The following EPHA6 variants were observed in gnomAD, a reference collection of about 807,000 sequenced individuals.
EPHA6 encodes the protein EPH receptor A6.
In EPHA6, 50 loss-of-function variants were observed where a neutral mutation model predicts 112.0. The observed-to-expected ratio is 0.45, with a 90% CI of 0.36 to 0.56. The LOEUF (loss-of-function observed/expected upper bound fraction) is 0.56. EPHA6 is among the 20% of genes least tolerant of loss of function. The pLI is 0.00. For missense variants in EPHA6, 1,280 were observed against 1,417.4 expected, an observed-to-expected ratio of 0.90 and a Z score of 1.56; for synonymous variants, 529 against 490.7, an observed-to-expected ratio of 1.08 and a Z score of -1.03.
intron 5 of EPHA6, among the ~76,000 whole-genome samples, chr3:97,361,115 T>C (rs1482905937): frequency 3.3e-5 from 5 of 152,356 alleles, no homozygotes; most frequent in African/African-American, 9.6e-5. Flanking sequence ...AGGCTCATTC[T>C]TTTTAGTGTA....
At chr3:97,092,216 C>G (rs938913431) in intron 3 of EPHA6, among the ~76,000 whole-genome samples, 1 of 151,836 alleles carries the variant, frequency 6.6e-6, no homozygotes, top group Non-Finnish European at 1.5e-5. Context: ...CATATTTACT[C>G]TTTCTTTTAT....
chr3:96,948,767 A>G (rs2041398701), intron 2 of EPHA6, among the ~76,000 whole-genome samples: 1 of 152,106 alleles, frequency 6.6e-6, no homozygotes, highest in Admixed American at 6.6e-5. Context: ...AAACACCTAT[A>G]CCTAATTGTC....
In EPHA6 at chr3:97,749,181, AC is replaced by A. The variant is rs1172856530; in HGVS notation, c.*481del. 3 of 225,254 alleles carry A rather than the reference AC, an allele frequency of 1.3e-5. No homozygotes were observed. Among genetic ancestry groups the A allele is most frequent in the African/African-American group, 6.7e-5 (3 of 44,952 alleles). The allele number at this position is 225,254 out of a possible 1,614,324, so 14.0% of individuals were successfully genotyped here. Reference sequence around the variant, plus strand: ...ATTCAGCTCTATTGGTTGTATTATTACTTTATTTTTTAATACTTTAACTGTT... The same window carrying A: ...ATTCAGCTCTATTGGTTGTATTATTATTTATTTTTTAATACTTTAACTGTT... On this transcript the variant is annotated 3_prime_UTR_variant, in exon 18 of 18. Coordinates refer to ENST00000389672, the MANE Select transcript of EPHA6 (RefSeq NM_001080448.3).
intron 2 of EPHA6, among the ~76,000 whole-genome samples, chr3:96,917,466 TTCTC>T (rs2039545366): frequency 6.6e-6 from 1 of 151,674 alleles, no homozygotes; most frequent in South Asian, 2.1e-4. Context: ...TAGTTTTTAT[TTCTC>T]TCTCCAGTAC....
chr3:97,380,485 GGGCTTCAGGAACACA>G (rs2085661405), intron 5 of EPHA6, among the ~76,000 whole-genome samples: 1 of 152,078 alleles, frequency 6.6e-6, no homozygotes, highest in South Asian at 2.1e-4. Flanking sequence ...GGATCCCTTT[GGGCTTCAGGAACACA>G]GGGTGGTGAG....
At chr3:97,441,777 T>A (rs2090146003) in intron 6 of EPHA6, among the ~76,000 whole-genome samples, 1 of 152,078 alleles carries the variant, frequency 6.6e-6, no homozygotes. Context: ...AAACCACTGA[T>A]AATTGCATGT....
At chr3:97,018,533 G>A (rs1306370759) in intron 3 of EPHA6, among the ~76,000 whole-genome samples, 1 of 152,220 alleles carries the variant, frequency 6.6e-6, no homozygotes. Context: ...GCCCTTCCCT[G>A]CCTGGCAGCT....
chr3:97,459,017 G>A (rs986367849), intron 7 of EPHA6, among the ~76,000 whole-genome samples: 2 of 152,204 alleles, frequency 1.3e-5, no homozygotes, highest in African/African-American at 2.4e-5. Context: ...GCAAACAAAT[G>A]TGTCAAGGAA....
chr3:97,268,154 A>G (rs2079753694), intron 5 of EPHA6, among the ~76,000 whole-genome samples: 1 of 152,186 alleles, frequency 6.6e-6, no homozygotes, highest in South Asian at 2.1e-4. Flanking sequence ...TGCAAGACAG[A>G]GAAAAGGATG....
intron 3 of EPHA6, among the ~76,000 whole-genome samples, chr3:96,999,641 T>C (rs1009306382): frequency 1.3e-5 from 2 of 151,932 alleles, no homozygotes; most frequent in African/African-American, 4.8e-5. Flanking sequence ...AGACCAAATT[T>C]TTCTAGACAT....
intron 7 of EPHA6, among the ~76,000 whole-genome samples, chr3:97,455,822 G>A (rs962948016): frequency 1.3e-5 from 2 of 151,048 alleles, no homozygotes; most frequent in Non-Finnish European, 3.0e-5. Context: ...ACAGAAAGTA[G>A]AAGTCGCCCT....
intron 3 of EPHA6, among the ~76,000 whole-genome samples, chr3:97,075,284 A>T (rs1460944015): frequency 2.6e-5 from 4 of 152,000 alleles, no homozygotes; most frequent in African/African-American, 9.7e-5. Flanking sequence ...AATAAAGATA[A>T]TGTTCATATC....
chr3:97,162,366 C>G (rs935684530), intron 3 of EPHA6, among the ~76,000 whole-genome samples: 1 of 152,166 alleles, frequency 6.6e-6, no homozygotes, highest in Non-Finnish European at 1.5e-5. Context: ...GATTCTGCCA[C>G]CAGCTGAGTA....
rs137902212 is a variant in EPHA6 at position 97,097,998 on chromosome 3, A to C, written c.1114+110005A>C. Among the ~76,000 whole-genome samples, 211 of 152,068 alleles carry C rather than the reference A, an allele frequency of 1.4e-3. 1 individual carries two copies. The highest frequency in any genetic ancestry group is 4.9e-3 in the African/African-American group (204 of 41,562). The stretch of plus-strand genomic sequence containing the variant: ...AATGAATCTTACGTTTAAGAATTTG[A>C]ATTTAGAAAACTTAAGTTATGAGAT... On this transcript the variant is annotated intron_variant, in intron 3 of 17. Transcript: ENST00000389672.
intron 1 of EPHA6, among the ~76,000 whole-genome samples, chr3:96,852,449 A>T (rs1278951581): frequency 6.6e-6 from 1 of 152,072 alleles, no homozygotes; most frequent in Non-Finnish European, 1.5e-5. Flanking sequence ...TAATAAAAAA[A>T]GTGAAGTTTA....
chr3:97,562,009 G>A (rs1270391761), intron 11 of EPHA6, among the ~76,000 whole-genome samples: 1 of 152,116 alleles, frequency 6.6e-6, no homozygotes, highest in East Asian at 1.9e-4. Context: ...GGCTACTATT[G>A]AGACCTACTG....
intron 1 of EPHA6, among the ~76,000 whole-genome samples, chr3:96,854,390 G>T (rs1327606702): frequency 1.3e-5 from 2 of 151,524 alleles, no homozygotes; most frequent in South Asian, 2.1e-4. Flanking sequence ...ATGCTGGCCA[G>T]GATGGTCTCA....
At chr3:97,725,310 C>T (rs1326282714) in intron 15 of EPHA6, among the ~76,000 whole-genome samples, 1 of 152,014 alleles carries the variant, frequency 6.6e-6, no homozygotes, top group Non-Finnish European at 1.5e-5. Context: ...TAGGACCTTG[C>T]CCCACACTAA....
intron 2 of EPHA6, among the ~76,000 whole-genome samples, chr3:96,935,710 T>C: frequency 7.2e-6 from 1 of 138,240 alleles, no homozygotes; most frequent in East Asian, 2.2e-4. Flanking sequence ...ATATTATATA[T>C]ACATTATATA....
Sources: gnomAD v4.1 joint callset for allele counts (sites outside exome capture counted in the v4.1 genomes callset) on GRCh38, gnomAD v4.1.1 for gene constraint, MANE v1.5 for transcripts, NCBI Gene and HGNC (gene_info 2026-07-23, HGNC 2026-07-21) for gene names.